The following SYTL2 variants were observed in gnomAD, a reference collection of about 807,000 sequenced individuals.
SYTL2 encodes the protein synaptotagmin like 2.
SYTL2 carries 165 observed loss-of-function variants against 198.7 expected under a neutral mutation model. The observed-to-expected ratio is 0.83, with a 90% CI of 0.73 to 0.94. The LOEUF is 0.94. Ranked by LOEUF, SYTL2 falls within the 40% of genes least tolerant of loss-of-function variation. The probability of loss-of-function intolerance (pLI) is 0.00; values close to 1 mark genes in which losing one functional copy is unlikely to be tolerated. For synonymous variants in SYTL2, 966 were observed against 917.7 expected, an observed-to-expected ratio of 1.05 and a Z score of -0.95; for missense variants, 2,835 against 2,582.8, an observed-to-expected ratio of 1.10 and a Z score of -2.12.
chr11:85,744,046 C>G (rs2090985707), intron 4 of SYTL2, among the ~76,000 whole-genome samples: 1 of 152,098 alleles, frequency 6.6e-6, no homozygotes, highest in Non-Finnish European at 1.5e-5. Flanking sequence ...TCTCATCTTT[C>G]TTTATGAAGG....
intron 2 of SYTL2, among the ~76,000 whole-genome samples, chr11:85,752,188 G>A (rs769901601): frequency 6.6e-6 from 1 of 152,150 alleles, no homozygotes; most frequent in Non-Finnish European, 1.5e-5. Context: ...TGGCCAGATA[G>A]GTTGACTGGT....
At position 85,714,498 on chromosome 11, in the gene SYTL2, A is replaced by C. The variant is rs775678120; in HGVS notation, c.5540T>G (p.Val1847Gly). ...AAATGGATTATCAGGTTGTGTAGGC[A>C]CTGTGGAAACTAAACAGCAGCATTT... ...TNECVPRIST[V>G]PTQPDNPFSH... is the part of the protein sequence containing the mutation. The change falls in exon 12 of 20, where the codon GTG (valine) becomes GGG (glycine). Residue 1847 changes from valine to glycine, a missense_variant. This residue lies in a region of SYTL2 where 2,645 missense variants were observed against 2,381.7 expected (regional missense o/e 1.11). Transcript: ENST00000359152. 4.5e-5 allele frequency: 72 copies of C among 1,612,298 alleles called. No homozygotes were observed. Among genetic ancestry groups the C allele is most frequent in the Non-Finnish European group, 5.9e-5 (70 of 1,178,456 alleles).
At chr11:85,785,251 AC>A (rs1343767576) in intron 1 of SYTL2, among the ~76,000 whole-genome samples, 2 of 152,218 alleles carry the variant, frequency 1.3e-5, no homozygotes, top group African/African-American at 4.8e-5. Flanking sequence ...GTAATTCTCA[AC>A]AAAACTAAAA....
At chr11:85,792,631 TTTTA>T (rs1366472511) in intron 1 of SYTL2, among the ~76,000 whole-genome samples, 1 of 151,034 alleles carries the variant, frequency 6.6e-6, no homozygotes, top group African/African-American at 2.4e-5. Flanking sequence ...TTTTTTTTAA[TTTTA>T]TTATTATTAT....
chr11:85,825,853 A>C, the SYTL2 span, among the ~76,000 whole-genome samples: 4 of 152,246 alleles, frequency 2.6e-5, no homozygotes, highest in African/African-American at 9.6e-5. Flanking sequence ...AATGGCACTA[A>C]TCATGATTTC....
chr11:85,731,232 A>T (rs2089787598), intron 7 of SYTL2, among the ~76,000 whole-genome samples: 2 of 152,188 alleles, frequency 1.3e-5, no homozygotes, highest in Admixed American at 1.3e-4. Flanking sequence ...ATTAGAAAAA[A>T]GTTTAAATTT....
chr11:85,772,561 T>C (rs1356045372), intron 1 of SYTL2, among the ~76,000 whole-genome samples: 1 of 152,256 alleles, frequency 6.6e-6, no homozygotes, highest in Non-Finnish European at 1.5e-5. Context: ...ATAGCTGTCA[T>C]ATTCCAGAAG....
intron 8 of SYTL2, among the ~76,000 whole-genome samples, chr11:85,722,651 A>C (rs1447979265): frequency 6.6e-6 from 1 of 152,004 alleles, no homozygotes; most frequent in Non-Finnish European, 1.5e-5. Context: ...TACCTCAACA[A>C]GTTTAACATG....
At chr11:85,818,795 T>C in the SYTL2 span, among the ~76,000 whole-genome samples, 1 of 152,050 alleles carries the variant, frequency 6.6e-6, no homozygotes, top group African/African-American at 2.4e-5. Flanking sequence ...AACTCAAGCA[T>C]TCCTCCCACC....
chr11:85,826,016 G>A, the SYTL2 span, among the ~76,000 whole-genome samples: 1 of 152,190 alleles, frequency 6.6e-6, no homozygotes, highest in South Asian at 2.1e-4. Context: ...AAACTCTTAA[G>A]AAACTAATTC....
rs2088723319 is a variant in SYTL2 at position 85,723,925 on chromosome 11, A to G, written c.5326+107T>C. The G allele has an allele frequency of 7.6e-6, 4 of 525,468 alleles. No individual in the cohort carries two copies. In the East Asian group the frequency reaches 1.2e-4, roughly 16 times the overall value. 32.6% of individuals were successfully genotyped at this position (525,468 alleles called of 1,614,324 possible). A position where few individuals can be genotyped will look rare whatever the true frequency, so the allele number is the denominator to read the frequency against. ...AACACAGAAGTGGTAAGAAGAATTT[A>G]ACATCATTTAAGAATATCAAATTAA... On this transcript the variant is annotated intron_variant, in intron 8 of 19. Coordinates refer to ENST00000359152, the MANE Select transcript of SYTL2 (RefSeq NM_206927.4).
At chr11:85,787,338 T>G (rs1293450777) in intron 1 of SYTL2, among the ~76,000 whole-genome samples, 1 of 152,228 alleles carries the variant, frequency 6.6e-6, no homozygotes, top group African/African-American at 2.4e-5. Flanking sequence ...GTTTTCACCC[T>G]TCCATAGATA....
intron 15 of SYTL2, among the ~76,000 whole-genome samples, chr11:85,705,983 T>A (rs904172417): frequency 6.6e-6 from 1 of 152,220 alleles, no homozygotes; most frequent in Non-Finnish European, 1.5e-5. Flanking sequence ...GGACAGAGTT[T>A]TCAGAAAGAG....
chr11:85,835,259 C>A, the SYTL2 span, among the ~76,000 whole-genome samples: 18 of 152,248 alleles, frequency 1.2e-4, no homozygotes, highest in African/African-American at 3.9e-4. Flanking sequence ...TTCCTTCTCA[C>A]TAATTTGAAA....
At chr11:85,818,094 G>C in the SYTL2 span, among the ~76,000 whole-genome samples, 1 of 151,602 alleles carries the variant, frequency 6.6e-6, no homozygotes, top group African/African-American at 2.4e-5. Flanking sequence ...GTAGAGACAG[G>C]GTTTCACCAT....
At chr11:85,698,170 G>A (rs747376750) in intron 17 of SYTL2, 92 bp from the exon 18 acceptor site, 3 of 775,558 alleles carry the variant, frequency 3.9e-6, no homozygotes, top group Non-Finnish European at 6.7e-6. Flanking sequence ...GTTCTGGCAT[G>A]GAGATACTAG....
the SYTL2 span, among the ~76,000 whole-genome samples, chr11:85,818,290 C>T: frequency 7.2e-5 from 11 of 152,104 alleles, no homozygotes; most frequent in African/African-American, 2.7e-4. Flanking sequence ...TGTTACATCC[C>T]TTGTTTATTA....
chr11:85,802,217 TTTC>T (rs2092900182), intron 1 of SYTL2, among the ~76,000 whole-genome samples: 1 of 123,028 alleles, frequency 8.1e-6, no homozygotes, highest in African/African-American at 2.8e-5. Context: ...TTCTTTTTCT[TTTC>T]TTTTTTTTTT....
At chr11:85,767,134 G>C (rs2092258507) in intron 1 of SYTL2, among the ~76,000 whole-genome samples, 1 of 152,174 alleles carries the variant, frequency 6.6e-6, no homozygotes, top group African/African-American at 2.4e-5. Context: ...TGTTACAAGA[G>C]AAAACACATG....
Sources: allele counts gnomAD v4.1 joint callset (sites outside exome capture counted in the v4.1 genomes callset), GRCh38; gene constraint gnomAD v4.1.1; regional missense constraint gnomAD v4.1.1; transcripts MANE v1.5; gene names NCBI Gene and HGNC (gene_info 2026-07-23, HGNC 2026-07-21).